RECQL: variants seen among roughly 807,000 people sequenced by gnomAD.
RECQL encodes the protein ATP-dependent DNA helicase Q1.
A neutral mutation model predicts 75.8 loss-of-function variants in RECQL; 73 were observed. The observed-to-expected ratio is 0.96, with a 90% CI of 0.80 to 1.17. The LOEUF (loss-of-function observed/expected upper bound fraction) is 1.17, where lower values mean the gene tolerates loss of function less well. Ranked by LOEUF, RECQL falls within the 50% of genes most tolerant of loss-of-function variation. The probability of loss-of-function intolerance (pLI) is 0.00; values close to 1 mark genes in which losing one functional copy is unlikely to be tolerated. For missense variants in RECQL, 699 were observed against 772.1 expected, an observed-to-expected ratio of 0.91 and a Z score of 1.12; for synonymous variants, 248 against 254.4, an observed-to-expected ratio of 0.97 and a Z score of 0.24.
intron 6 of RECQL, among the ~76,000 whole-genome samples, chr12:21,479,596 G>A (rs369064609): frequency 7.9e-5 from 12 of 151,980 alleles, no homozygotes; most frequent in South Asian, 6.2e-4. Context: ...CAGGTGATCC[G>A]CCCGCCTCGG....
intron 6 of RECQL, among the ~76,000 whole-genome samples, chr12:21,482,633 G>A (rs1943213590): frequency 1.3e-5 from 2 of 152,180 alleles, no homozygotes; most frequent in Non-Finnish European, 2.9e-5. Flanking sequence ...TATAACAGAA[G>A]TAAGGGGCAA....
At chr12:21,500,527 T>C (rs1943590263) in intron 1 of RECQL, among the ~76,000 whole-genome samples, 1 of 152,248 alleles carries the variant, frequency 6.6e-6, no homozygotes, top group South Asian at 2.1e-4. Flanking sequence ...AAAGATAGGC[T>C]GACTCTTTTT....
chr12:21,500,001 T>C (rs902536027), intron 1 of RECQL, among the ~76,000 whole-genome samples: 4 of 152,228 alleles, frequency 2.6e-5, no homozygotes, highest in Admixed American at 6.5e-5. Context: ...TAAATTACTA[T>C]GTTAGGCAAA....
At chr12:21,499,117 T>C (rs1943559170) in intron 2 of RECQL, among the ~76,000 whole-genome samples, 1 of 152,212 alleles carries the variant, frequency 6.6e-6, no homozygotes, top group African/African-American at 2.4e-5. Flanking sequence ...AAAAGCATGA[T>C]TCCGCTATTG....
intron 5 of RECQL, among the ~76,000 whole-genome samples, chr12:21,485,490 T>TGGGTA (rs1943276094): frequency 6.6e-6 from 1 of 151,904 alleles, no homozygotes. Context: ...AGAGAACCTA[T>TGGGTA]GGGTATATCA....
intron 2 of RECQL, among the ~76,000 whole-genome samples, chr12:21,494,334 T>C (rs566665116): frequency 6.6e-6 from 1 of 152,212 alleles, no homozygotes; most frequent in South Asian, 2.1e-4. Flanking sequence ...GAGACACATA[T>C]CCAAACTACA....
chr12:21,485,395 G>A (rs1206781393), intron 5 of RECQL, among the ~76,000 whole-genome samples: 1 of 150,874 alleles, frequency 6.6e-6, no homozygotes, highest in Non-Finnish European at 1.5e-5. Context: ...CCACAAGGAC[G>A]CAATCAGGAA....
Position 21,491,655 on chromosome 12 carries a change from T to C in RECQL, c.78A>G (p.Gln26=), listed in dbSNP as rs141458725. Residue 26 remains glutamine, a synonymous_variant, in exon 3 of 15, where the codon CAA becomes CAG. Coordinates refer to ENST00000444129, the MANE Select transcript of RECQL (RefSeq NM_002907.4). ...SELHAVEIQI[Q]ELTERQQELI... is the part of the protein sequence containing the mutation. ...GCTCTTGTTGCCTTTCCGTAAGTTC[T>C]TGAATTTGAATTTCTACTGCATGTA... 1,134 of 1,613,840 alleles carry C rather than the reference T, an allele frequency of 7.0e-4. 11 individuals are homozygous for C. The African/African-American group carries it at 0.014, about 20-fold the overall frequency.
chr12:21,473,951 T>C (rs1943033165), intron 11 of RECQL, among the ~76,000 whole-genome samples: 1 of 152,098 alleles, frequency 6.6e-6, no homozygotes, highest in African/African-American at 2.4e-5. Context: ...TACTTTCCTT[T>C]TGCCATGTGA....
intron 14 of RECQL, 109 bp downstream of exon 14, chr12:21,470,860 T>G (rs1182914121): frequency 1.4e-6 from 1 of 738,196 alleles, no homozygotes; most frequent in Non-Finnish European, 1.9e-6. Context: ...ATCAGAAAAC[T>G]GACTTTTCTC....
intron 6 of RECQL, among the ~76,000 whole-genome samples, chr12:21,478,175 C>T (rs2137352216): frequency 6.6e-6 from 1 of 152,128 alleles, no homozygotes; most frequent in African/African-American, 2.4e-5. Context: ...TCACGGTGGA[C>T]TCAAGAGACA....
At chr12:21,483,327 A>C (rs760654515) in intron 6 of RECQL, 49 bp downstream of exon 6, 2 of 1,226,318 alleles carry the variant, frequency 1.6e-6, no homozygotes, top group Non-Finnish European at 2.3e-6. Flanking sequence ...AAGCTGAGTA[A>C]GGACACGGTC....
Position 21,471,448 on chromosome 12 carries a change from A to C in RECQL, c.1647T>G (p.Phe549Leu). ...REDLEKIIAH[F>L]LIQQYLKEDY... The stretch of plus-strand genomic sequence containing the variant: ...CATACTTAAGATACTGCTGTATTAG[A>C]AAGTGTGCAATAATCTTCTCCAGAT... Residue 549 changes from phenylalanine to leucine, a missense_variant, in exon 13 of 15, where the codon TTT becomes TTG. Phe to Leu is a conservative substitution (Grantham distance 22, BLOSUM62 0). Around this residue, in one of 2 missense-constraint regions of RECQL, gnomAD observed 669 missense variants for 713.5 expected, o/e 0.94. Coordinates refer to ENST00000444129, the MANE Select transcript of RECQL (RefSeq NM_002907.4). 1 of 1,612,832 alleles carries C rather than the reference A, an allele frequency of 6.2e-7. No homozygotes were observed. The highest frequency in any genetic ancestry group is 1.3e-5 in the African/African-American group (1 of 74,974).
At chr12:21,485,329 T>C (rs564742059) in intron 5 of RECQL, among the ~76,000 whole-genome samples, 42 of 81,368 alleles carry the variant, frequency 5.2e-4, no homozygotes, top group Middle Eastern at 0.014. Flanking sequence ...ACCCCAGAAC[T>C]GAAAAAAAAA....
intron 6 of RECQL, among the ~76,000 whole-genome samples, chr12:21,480,587 C>A (rs1943174556): frequency 6.6e-6 from 1 of 152,134 alleles, no homozygotes; most frequent in African/African-American, 2.4e-5. Flanking sequence ...AAGGACTCTG[C>A]ACACTACGCA....
intron 8 of RECQL, among the ~76,000 whole-genome samples, chr12:21,476,241 T>C (rs1457458385): frequency 6.6e-6 from 1 of 152,062 alleles, no homozygotes; most frequent in Non-Finnish European, 1.5e-5. Context: ...GTGTCTCTCT[T>C]TATTTTCAGG....
At chr12:21,495,667 C>G (rs1943494062) in intron 2 of RECQL, among the ~76,000 whole-genome samples, 2 of 152,122 alleles carry the variant, frequency 1.3e-5, no homozygotes, top group South Asian at 4.1e-4. Context: ...GATGCTAATT[C>G]TTAGAAAACC....
rs779100547 is a variant in RECQL, at chr12:21,475,548, T to C, written c.1136A>G (p.Asp379Gly). Residue 379 changes from aspartate to glycine, a missense_variant, in exon 10 of 15, where the codon GAT becomes GGT. By Grantham distance (94) the Asp-to-Gly change is moderately conservative. Coordinates refer to ENST00000444129, the MANE Select transcript of RECQL (RefSeq NM_002907.4). ...GATAACAAACCTCACATCTGGCTTA[T>C]CAATTCCCATACCAAATGCAACAGT... ...VATVAFGMGI[D>G]KPDVRFVIHH... is the part of the protein sequence containing the mutation. 5 of 1,612,750 alleles carry C rather than the reference T, an allele frequency of 3.1e-6. No individual in the cohort carries two copies. The South Asian group carries it at 4.4e-5, about 14-fold the overall frequency.
In RECQL at chr12:21,501,631, T is replaced by C. The variant is rs1943624163; in HGVS notation, c.-507A>G. ...TCTTCCCGCCAGCCAGCTGAGAGCA[T>C]CCACCCTTCCGGGTCGGTCCGTTCA... On this transcript the variant is annotated 5_prime_UTR_variant, in exon 1 of 15. It removes an upstream start codon present in the reference 5' UTR. Transcript: ENST00000444129. The C allele has an allele frequency of 4.5e-6, 2 of 440,070 alleles. No homozygotes were observed. Among genetic ancestry groups the C allele is most frequent in the South Asian group, 6.2e-5 (2 of 32,146 alleles). The allele number at this position is 440,070 out of a possible 1,614,324, so 27.3% of individuals were successfully genotyped here.
Sources: allele counts gnomAD v4.1 joint callset (sites outside exome capture counted in the v4.1 genomes callset), GRCh38; gene constraint gnomAD v4.1.1; regional missense constraint gnomAD v4.1.1; transcripts MANE v1.5; gene names NCBI Gene and HGNC (gene_info 2026-07-23, HGNC 2026-07-21).